Variants in CARMIL1 observed in about 807,000 individuals in gnomAD.
CARMIL1 encodes capping protein regulator and myosin 1 linker 1.
A neutral mutation model predicts 177.1 loss-of-function variants in CARMIL1; 90 were observed. The observed-to-expected ratio is 0.51, with a 90% CI of 0.43 to 0.61. The LOEUF (loss-of-function observed/expected upper bound fraction) is 0.61, where lower values mean the gene tolerates loss of function less well. CARMIL1 is among the 20% of genes least tolerant of loss of function. CARMIL1 has a pLI of 0.00. For missense variants in CARMIL1, 1,380 were observed against 1,667.0 expected, an observed-to-expected ratio of 0.83 and a Z score of 3.00; for synonymous variants, 577 against 606.2, an observed-to-expected ratio of 0.95 and a Z score of 0.71.
intron 32 of CARMIL1, among the ~76,000 whole-genome samples, chr6:25,599,226 C>T (rs1233250040): frequency 6.6e-6 from 1 of 152,190 alleles, no homozygotes; most frequent in Non-Finnish European, 1.5e-5. Flanking sequence ...GAGGTGCCCG[C>T]GTCTCCTCAT....
intron 2 of CARMIL1, among the ~76,000 whole-genome samples, chr6:25,364,779 T>A (rs1240997155): frequency 6.6e-6 from 1 of 152,030 alleles, no homozygotes; most frequent in African/African-American, 2.4e-5. Context: ...TGGCCAGGCT[T>A]GTCTTGAACT....
intron 2 of CARMIL1, among the ~76,000 whole-genome samples, chr6:25,358,137 A>G (rs919791254): frequency 1.3e-5 from 2 of 152,232 alleles, no homozygotes; most frequent in East Asian, 1.9e-4. Context: ...GCGTGGGCCA[A>G]CCATTTCTGA....
chr6:25,426,016 C>A (rs1376901038), intron 3 of CARMIL1, among the ~76,000 whole-genome samples: 1 of 152,076 alleles, frequency 6.6e-6, no homozygotes, highest in Non-Finnish European at 1.5e-5. Context: ...TGACTTTATC[C>A]TGATAGGACT....
intron 2 of CARMIL1, among the ~76,000 whole-genome samples, chr6:25,307,018 A>T (rs922292913): frequency 1.3e-5 from 2 of 150,778 alleles, no homozygotes; most frequent in African/African-American, 4.9e-5. Context: ...AGCTTGGCTT[A>T]CAGGCGCCTG....
chr6:25,435,722 C>T, intron 5 of CARMIL1, 118 bp downstream of exon 5: 2 of 1,191,280 alleles, frequency 1.7e-6, no homozygotes, highest in Non-Finnish European at 2.3e-6. Context: ...CTTCCTTCTC[C>T]TCTTAAATAT....
intron 23 of CARMIL1, among the ~76,000 whole-genome samples, chr6:25,525,731 G>A (rs985159248): frequency 2.0e-5 from 3 of 152,136 alleles, no homozygotes; most frequent in African/African-American, 4.8e-5. Flanking sequence ...AATCAATATA[G>A]CGTTATTTGA....
intron 5 of CARMIL1, among the ~76,000 whole-genome samples, chr6:25,442,524 A>C (rs1034731019): frequency 4.6e-5 from 7 of 151,524 alleles, no homozygotes; most frequent in Non-Finnish European, 1.0e-4. Flanking sequence ...AAATACACTG[A>C]TGGGGCTCCT....
At chr6:25,347,108 T>C (rs917153690) in intron 2 of CARMIL1, among the ~76,000 whole-genome samples, 2 of 152,258 alleles carry the variant, frequency 1.3e-5, no homozygotes, top group Non-Finnish European at 2.9e-5. Flanking sequence ...CCGTACATTA[T>C]TGATGTCAAT....
At chr6:25,384,129 G>A (rs879568711) in intron 2 of CARMIL1, among the ~76,000 whole-genome samples, 14 of 152,282 alleles carry the variant, frequency 9.2e-5, no homozygotes, top group African/African-American at 2.9e-4. Context: ...GTGAGCCACC[G>A]CGCCCGGCTG....
In CARMIL1 at chr6:25,594,493, T is replaced by G; in HGVS notation, c.3085T>G (p.Phe1029Val). 6.2e-7 allele frequency: 1 copy of G among 1,612,900 alleles called. No individual in the cohort carries two copies. The highest frequency in any genetic ancestry group is 8.5e-7 in the Non-Finnish European group (1 of 1,179,168). Residue 1029 changes from phenylalanine (F) to valine (V), a missense_variant, in exon 32 of 37, where the codon TTT becomes GTT. Coordinates refer to ENST00000329474, the MANE Select transcript of CARMIL1 (RefSeq NM_017640.6). ...GAGAGTGGATGAAGGTGTAGATGAA[T>G]TTTTTACCAAGAAGGTGACCAAAAT... The part of the protein sequence containing the change: ...MGRVDEGVDE[F>V]FTKKVTKMDS...
intron 11 of CARMIL1, among the ~76,000 whole-genome samples, chr6:25,480,646 T>G (rs1802008529): frequency 1.1e-4 from 9 of 84,330 alleles, no homozygotes; most frequent in Admixed American, 1.0e-3. Context: ...TAAAATAAAT[T>G]TAAATTATTT....
chr6:25,512,466 T>C (rs917719783), intron 20 of CARMIL1, among the ~76,000 whole-genome samples: 6 of 152,226 alleles, frequency 3.9e-5, no homozygotes, highest in African/African-American at 1.2e-4. Context: ...ACTTTCAAAT[T>C]GGTAATATGG....
At chr6:25,542,293 G>T (rs1808995778) in intron 26 of CARMIL1, among the ~76,000 whole-genome samples, 1 of 152,086 alleles carries the variant, frequency 6.6e-6, no homozygotes, top group Non-Finnish European at 1.5e-5. Flanking sequence ...CTCTTTCTTA[G>T]GAAAGGGCAG....
Position 25,553,998 on chromosome 6 carries a change from T to C in CARMIL1, c.2505-11T>C. On this transcript the variant is annotated splice_polypyrimidine_tract_variant and intron_variant, in intron 27 of 36. Transcript: ENST00000329474. ...TTAAAATGGTACTCTGTCCTTTTGA[T>C]TTTCACACAGTGAAGTAAAATTGAC... is the stretch of plus-strand genomic sequence containing the variant. 6.4e-7 allele frequency: 1 copy of C among 1,573,844 alleles called. No homozygotes were observed. The highest frequency in any genetic ancestry group is 8.7e-7 in the Non-Finnish European group (1 of 1,153,658).
intron 2 of CARMIL1, among the ~76,000 whole-genome samples, chr6:25,331,431 C>T (rs766385140): frequency 1.4e-4 from 21 of 152,186 alleles, no homozygotes; most frequent in Admixed American, 1.0e-3. Flanking sequence ...AGGCTGTCAT[C>T]GCTGTTCTCC....
intron 4 of CARMIL1, among the ~76,000 whole-genome samples, chr6:25,431,458 G>A (rs944136707): frequency 4.6e-5 from 7 of 151,810 alleles, no homozygotes; most frequent in Admixed American, 3.3e-4. Flanking sequence ...AAGAAAAATC[G>A]CAGCAACATA....
chr6:25,441,300 A>AAAACAAAC (rs574600512), intron 5 of CARMIL1, among the ~76,000 whole-genome samples: 2 of 137,848 alleles, frequency 1.5e-5, no homozygotes, highest in African/African-American at 5.7e-5. Context: ...ACCACATCTC[A>AAAACAAAC]AAACAAACAA....
At chr6:25,578,375 A>G (rs1812791984) in intron 29 of CARMIL1, among the ~76,000 whole-genome samples, 2 of 152,164 alleles carry the variant, frequency 1.3e-5, no homozygotes, top group African/African-American at 4.8e-5. Flanking sequence ...GGGAGGAGGA[A>G]GGAGCGCAAA....
At chr6:25,407,727 A>T (rs1794508776) in intron 2 of CARMIL1, among the ~76,000 whole-genome samples, 1 of 152,302 alleles carries the variant, frequency 6.6e-6, no homozygotes, top group Middle Eastern at 3.4e-3. Flanking sequence ...GGACATTAAC[A>T]CATGGAGGAA....
Sources: gnomAD v4.1 joint callset for allele counts (sites outside exome capture counted in the v4.1 genomes callset) on GRCh38, gnomAD v4.1.1 for gene constraint, MANE v1.5 for transcripts, NCBI Gene and HGNC (gene_info 2026-07-23, HGNC 2026-07-21) for gene names.